The following FBXL2 variants were observed in gnomAD, a reference collection of about 807,000 sequenced individuals.
FBXL2 encodes F-box/LRR-repeat protein 2.
Under a neutral mutation model 69.2 loss-of-function variants are expected in FBXL2, and 38 were observed. The ratio of observed to expected loss-of-function variants is 0.55; its 90% CI spans 0.42 to 0.72. The LOEUF (loss-of-function observed/expected upper bound fraction) is 0.72. FBXL2 is among the 30% of genes least tolerant of loss of function. The pLI, the probability that FBXL2 is intolerant of heterozygous loss-of-function variation, is 0.00. For synonymous variants in FBXL2, 192 were observed against 201.3 expected (o/e 0.95, Z 0.39); for missense variants, 354 against 520.3 (o/e 0.68, Z 3.11).
the FBXL2 span, among the ~76,000 whole-genome samples, chr3:33,419,025 C>G: frequency 6.6e-6 from 1 of 152,134 alleles, no homozygotes; most frequent in Admixed American, 6.5e-5. Context: ...TAAAACCACA[C>G]TGAAATCATT....
intron 2 of FBXL2, among the ~76,000 whole-genome samples, chr3:33,334,512 AAGAT>A (rs1280205769): frequency 6.6e-6 from 1 of 152,208 alleles, no homozygotes; most frequent in Non-Finnish European, 1.5e-5. Context: ...AAAGAGAAAA[AAGAT>A]AGAAAAAATT....
At chr3:33,409,151 C>T in the FBXL2 span, 4 of 1,317,852 alleles carry the variant, frequency 3.0e-6, no homozygotes, top group East Asian at 9.2e-5. Flanking sequence ...TCTTCCCCAA[C>T]CCTTTTGTAG....
rs181932171 is a variant in FBXL2, at chr3:33,396,726, T to C, written n.1215-6508T>C. 898 of 542,590 alleles carry C rather than the reference T, an allele frequency of 1.7e-3. 2 individuals carry two copies. The highest frequency in any genetic ancestry group is 2.5e-3 in the Non-Finnish European group (708 of 284,972). The allele number at this position is 542,590 out of a possible 1,614,324, so 33.6% of individuals were successfully genotyped here. A position where few individuals can be genotyped will look rare whatever the true frequency, so the allele number is the denominator to read the frequency against. On this transcript the variant is annotated intron_variant and non_coding_transcript_variant, in intron 12 of 12. Transcript: ENST00000463736. ...GTAATAGTCATGACCTTGAAAACCA[T>C]AGATTCTGTATAGCTCACCTAAATT...
intron 2 of FBXL2, among the ~76,000 whole-genome samples, chr3:33,342,838 T>G (rs1207030113): frequency 1.4e-5 from 2 of 138,454 alleles, no homozygotes; most frequent in East Asian, 4.8e-4. Context: ...CCATTCTGCC[T>G]CAGCCTCCCG....
chr3:33,339,620 C>CA (rs2039863035), intron 2 of FBXL2, among the ~76,000 whole-genome samples: 1 of 152,002 alleles, frequency 6.6e-6, no homozygotes, highest in African/African-American at 2.4e-5. Context: ...ACCTGGATGA[C>CA]AAAATAATTT....
downstream of FBXL2, chr3:33,392,456 A>G (rs781731744): frequency 1.1e-4 from 105 of 956,072 alleles, no homozygotes; most frequent in Non-Finnish European, 1.5e-4. Flanking sequence ...TCTTCTTAAA[A>G]TGAGTAAAGC....
the FBXL2 span, among the ~76,000 whole-genome samples, chr3:33,419,033 A>AT: frequency 1.3e-5 from 2 of 152,136 alleles, no homozygotes; most frequent in Non-Finnish European, 2.9e-5. Context: ...CACTGAAATC[A>AT]TTTTTCACCT....
At chr3:33,383,913 G>C in intron 13 of FBXL2, 76 bp from the exon 14 acceptor site, 1 of 1,451,856 alleles carries the variant, frequency 6.9e-7, no homozygotes, top group South Asian at 1.2e-5. Context: ...AAAAAGGCTA[G>C]CTTCCAGCTT....
chr3:33,286,978 G>T (rs1253190039), intron 1 of FBXL2, among the ~76,000 whole-genome samples: 1 of 152,156 alleles, frequency 6.6e-6, no homozygotes, highest in Non-Finnish European at 1.5e-5. Context: ...CCGACCCCTT[G>T]CGCTTTCCAG....
At chr3:33,375,723 T>C (rs1009469408) in intron 10 of FBXL2, among the ~76,000 whole-genome samples, 3 of 152,162 alleles carry the variant, frequency 2.0e-5, no homozygotes, top group South Asian at 2.1e-4. Context: ...AGTGAGCACA[T>C]AGTGAGGAGA....
At chr3:33,361,168 A>G (rs2154042100) in intron 4 of FBXL2, among the ~76,000 whole-genome samples, 1 of 143,318 alleles carries the variant, frequency 7.0e-6, no homozygotes, top group South Asian at 2.2e-4. Context: ...GATGGTCTCG[A>G]TCTCCTGACA....
intron 5 of FBXL2, among the ~76,000 whole-genome samples, chr3:33,371,552 A>G (rs1253226444): frequency 1.3e-5 from 2 of 152,052 alleles, no homozygotes; most frequent in Non-Finnish European, 2.9e-5. Flanking sequence ...AGCTTCATAG[A>G]AATATATTCT....
At chr3:33,313,311 T>C (rs988028483) in intron 2 of FBXL2, among the ~76,000 whole-genome samples, 6 of 152,028 alleles carry the variant, frequency 3.9e-5, no homozygotes, top group African/African-American at 1.5e-4. Context: ...TTTCTATACA[T>C]ATTAAAGAAA....
rs2043491522 is a variant in FBXL2, at chr3:33,387,056, T to C, written c.*1448T>C. 1 of 152,188 alleles carries C rather than the reference T, an allele frequency of 6.6e-6. No homozygotes were observed. Among genetic ancestry groups the C allele is most frequent in the Admixed American group, 6.5e-5 (1 of 15,282 alleles). 9.4% of individuals were successfully genotyped at this position (152,188 alleles called of 1,614,324 possible). A position where few individuals can be genotyped will look rare whatever the true frequency, so the allele number is the denominator to read the frequency against. Reference sequence around the variant, plus strand: ...ATTATATATATATATAATCTCCCCATAAACGGACTTAGCACAATTATCATC... The same window carrying C: ...ATTATATATATATATAATCTCCCCACAAACGGACTTAGCACAATTATCATC... On this transcript the variant is annotated 3_prime_UTR_variant, in exon 15 of 15. Transcript: ENST00000484457.
At chr3:33,398,796 G>A (rs1220513806) in intron 12 of FBXL2, among the ~76,000 whole-genome samples, 7 of 152,128 alleles carry the variant, frequency 4.6e-5, no homozygotes, top group Admixed American at 1.3e-4. Context: ...TCCAAATGTC[G>A]GCGCTTTTTC....
intron 2 of FBXL2, among the ~76,000 whole-genome samples, chr3:33,327,132 G>C (rs1308479558): frequency 1.3e-5 from 2 of 152,118 alleles, no homozygotes; most frequent in African/African-American, 2.4e-5. Context: ...CTTAAAAAAA[G>C]TTTCTTGAAT....
intron 2 of FBXL2, among the ~76,000 whole-genome samples, chr3:33,300,148 C>T (rs1244231272): frequency 6.6e-6 from 1 of 152,068 alleles, no homozygotes; most frequent in Non-Finnish European, 1.5e-5. Context: ...TAAACTCCAC[C>T]CTTCTCATGC....
the FBXL2 span, among the ~76,000 whole-genome samples, chr3:33,410,695 T>C: frequency 1.3e-5 from 2 of 152,146 alleles, no homozygotes; most frequent in African/African-American, 4.8e-5. Context: ...CACAGAATAA[T>C]GATATTATAG....
intron 2 of FBXL2, among the ~76,000 whole-genome samples, chr3:33,335,028 G>A (rs1198905970): frequency 6.6e-6 from 1 of 152,016 alleles, no homozygotes; most frequent in Non-Finnish European, 1.5e-5. Flanking sequence ...TTGAGCCTGG[G>A]AAGCAGAGAT....
Sources: allele counts gnomAD v4.1 joint callset (sites outside exome capture counted in the v4.1 genomes callset), GRCh38; gene constraint gnomAD v4.1.1; transcripts MANE v1.5; gene names NCBI Gene and HGNC (gene_info 2026-07-23, HGNC 2026-07-21).